TGM2: variants seen among roughly 807,000 people sequenced by gnomAD.
TGM2 encodes the protein transglutaminase 2.
Under a neutral mutation model 75.6 loss-of-function variants are expected in TGM2, and 53 were observed. The observed-to-expected ratio is 0.70, with a 90% confidence interval of 0.56 to 0.88. The LOEUF (loss-of-function observed/expected upper bound fraction) is 0.88. TGM2 is among the 40% of genes least tolerant of loss of function. TGM2 has a pLI of 0.00. For synonymous variants in TGM2, 374 were observed against 381.1 expected, an observed-to-expected ratio of 0.98 and a Z score of 0.22; for missense variants, 842 against 928.5, an observed-to-expected ratio of 0.91 and a Z score of 1.21.
intron 10 of TGM2, chr20:38,132,771 G>T: frequency 5.5e-6 from 3 of 550,076 alleles, no homozygotes; most frequent in Non-Finnish European, 1.0e-5. Flanking sequence ...GGGTGACCCC[G>T]CGTGAGCCAC....
At chr20:38,132,870 G>A (rs776535753) in intron 10 of TGM2, 16 of 462,142 alleles carry the variant, frequency 3.5e-5, no homozygotes, top group South Asian at 1.9e-4. Flanking sequence ...TGTCCCGGAA[G>A]AGCCTGGTGC....
rs764688936 is a variant in TGM2 at position 38,138,231 on chromosome 20, G to A, written c.1497C>T (p.Thr499=). Residue 499 remains threonine (T), a synonymous_variant, in exon 10 of 13, where the codon ACC becomes ACT. Coordinates refer to ENST00000361475, the MANE Select transcript of TGM2 (RefSeq NM_004613.4). Reference sequence around the variant, plus strand: ...GGAGGCGGCAGACGTACTCCTCAGCGGTGTTGTTGGTGATGTGGGCAAAGA... The same window carrying A: ...GGAGGCGGCAGACGTACTCCTCAGCAGTGTTGTTGGTGATGTGGGCAAAGA... The part of the protein sequence containing the change: ...FDVFAHITNN[T]AEEYVCRLLL... 25 of 1,612,810 alleles carry A rather than the reference G, an allele frequency of 1.6e-5. No individual in the cohort carries two copies. Among genetic ancestry groups the A allele is most frequent in the Middle Eastern group, 1.6e-4 (1 of 6,082 alleles).
chr20:38,161,537 C>T lies in TGM2; in HGVS notation c.73G>A (p.Asp25Asn), dbSNP rs200206764. The change falls in exon 2 of 13, where the codon GAC becomes AAC. Residue 25 changes from aspartate to asparagine, a missense_variant. Physicochemically the swap from Asp to Asn is conservative, Grantham distance 23 (BLOSUM62 1). Coordinates refer to ENST00000361475, the MANE Select transcript of TGM2 (RefSeq NM_004613.4). ...ETNGRDHHTA[D>N]LCREKLVVRR... ...ACCACCAGCTTCTCCCGGCACAGGTCGGCCGTGTGGTGGTCTCGGCCATTG... is the reference window on the plus strand; with the variant it reads ...ACCACCAGCTTCTCCCGGCACAGGTTGGCCGTGTGGTGGTCTCGGCCATTG... 1.5e-5 allele frequency: 25 copies of T among 1,614,062 alleles called. No individual in the cohort carries two copies. In the African/African-American group the frequency reaches 1.6e-4, roughly 10 times the overall value.
intron 2 of TGM2, among the ~76,000 whole-genome samples, chr20:38,158,094 G>A (rs1489964203): frequency 6.6e-6 from 1 of 152,216 alleles, no homozygotes; most frequent in Non-Finnish European, 1.5e-5. Flanking sequence ...TCTCAGAAAT[G>A]TCCCTGCTCG....
rs889499378 is a variant in TGM2 at position 38,155,706 on chromosome 20, G to A, written c.433+141C>T. The A allele has an allele frequency of 1.6e-5, 21 of 1,329,612 alleles. No individual in the cohort carries two copies. The African/African-American group carries it at 1.9e-4, about 12-fold the overall frequency. 82.4% of individuals were successfully genotyped at this position (1,329,612 alleles called of 1,614,324 possible). A position where few individuals can be genotyped will look rare whatever the true frequency, so the allele number is the denominator to read the frequency against. On this transcript the variant is annotated intron_variant, in intron 3 of 12. Coordinates refer to ENST00000361475, the MANE Select transcript of TGM2 (RefSeq NM_004613.4). ...TACTCATGTCTTGAGGGTTTTGTGAGGCTGGAGCACAGTGGGCCTCACTCA... is the reference window on the plus strand; with the variant it reads ...TACTCATGTCTTGAGGGTTTTGTGAAGCTGGAGCACAGTGGGCCTCACTCA...
intron 10 of TGM2, among the ~76,000 whole-genome samples, chr20:38,134,078 C>A (rs1272754069): frequency 1.1e-4 from 17 of 152,174 alleles, no homozygotes; most frequent in Non-Finnish European, 2.9e-5. Context: ...CAAATCAGCA[C>A]CCTCAGAGAC....
In TGM2 at chr20:38,147,233, C is replaced by T. The variant is rs45567350; in HGVS notation, c.682-339G>A. ...ACAAAGACCCGCTTGGGCCCCCCAC[C>T]CCAGATTGTGTCGTTCCCCCTAAAC... On this transcript the variant is annotated intron_variant, in intron 5 of 12. Transcript: ENST00000361475. 6.7e-3 allele frequency among the ~76,000 whole-genome samples: 1,025 copies of T among 152,164 alleles called. 10 individuals carry two copies. Among genetic ancestry groups the T allele is most frequent in the African/African-American group, 0.023 (965 of 41,486 alleles).
chr20:38,131,349 A>ACCCCCCC (rs111895659), intron 11 of TGM2, 120 bp from the exon 12 acceptor site: 1 of 1,312,808 alleles, frequency 7.6e-7, no homozygotes, highest in African/African-American at 1.6e-5. Context: ...TGCCACGATC[A>ACCCCCCC]CCCCCCCTCC....
chr20:38,152,750 C>A (rs2075128644), intron 3 of TGM2, among the ~76,000 whole-genome samples: 1 of 152,278 alleles, frequency 6.6e-6, no homozygotes, highest in African/African-American at 2.4e-5. Flanking sequence ...CTCACCCCAG[C>A]CCAACTTCCT....
chr20:38,149,247 A>G (rs1018963942), intron 4 of TGM2, among the ~76,000 whole-genome samples: 3 of 151,988 alleles, frequency 2.0e-5, no homozygotes, highest in African/African-American at 2.4e-5. Flanking sequence ...AATATTCCCT[A>G]CTTCAAGAAG....
chr20:38,141,981 C>T, intron 7 of TGM2, 83 bp downstream of exon 7: 1 of 1,556,816 alleles, frequency 6.4e-7, no homozygotes, highest in Non-Finnish European at 8.8e-7. Context: ...TCAAATGTGA[C>T]CTCCTCCAAG....
At chr20:38,167,632 C>G (rs974370452), upstream of TGM2, among the ~76,000 whole-genome samples, 2 of 152,204 alleles carry the variant, frequency 1.3e-5, no homozygotes, top group Non-Finnish European at 2.9e-5. Flanking sequence ...AACCACTGTG[C>G]CCAGCCCACG....
intron 6 of TGM2, among the ~76,000 whole-genome samples, chr20:38,144,977 C>A (rs568984423): frequency 6.6e-6 from 1 of 152,268 alleles, no homozygotes; most frequent in African/African-American, 2.4e-5. Context: ...TGCCGGTGAG[C>A]CTGGGGATCC....
intron 6 of TGM2, among the ~76,000 whole-genome samples, chr20:38,144,377 T>C (rs1318471781): frequency 1.3e-5 from 2 of 152,168 alleles, no homozygotes; most frequent in African/African-American, 4.8e-5. Flanking sequence ...TGTCTGCCCA[T>C]TCCCAGAGCA....
intron 6 of TGM2, among the ~76,000 whole-genome samples, chr20:38,142,783 G>A (rs954969545): frequency 6.6e-6 from 1 of 152,190 alleles, no homozygotes; most frequent in Non-Finnish European, 1.5e-5. Context: ...GGCCCTTGAG[G>A]TCAAGGCCAG....
intron 6 of TGM2, among the ~76,000 whole-genome samples, chr20:38,143,603 G>T (rs1303227927): frequency 6.9e-6 from 1 of 145,740 alleles, no homozygotes; most frequent in Admixed American, 6.8e-5. Context: ...ATCCCGGTGT[G>T]GATCTCACCC....
Position 38,132,370 on chromosome 20 carries a change from G to A in TGM2, c.1746C>T (p.Leu582=), listed in dbSNP as rs760031983. The A allele has an allele frequency of 4.3e-6, 7 of 1,614,018 alleles. No homozygotes were observed. In the Admixed American group the frequency reaches 6.7e-5, roughly 15 times the overall value. Residue 582 remains leucine (L), a synonymous_variant, in exon 11 of 13, where the codon CTC becomes CTT. Coordinates refer to ENST00000361475, the MANE Select transcript of TGM2 (RefSeq NM_004613.4). ...INSYLLAERD[L]YLENPEIKIR... ...TCTTGATTTCTGGATTCTCCAGGTAGAGGTCCCTCTCAGCCAGCAGGTAGC... is the reference window on the plus strand; with the variant it reads ...TCTTGATTTCTGGATTCTCCAGGTAAAGGTCCCTCTCAGCCAGCAGGTAGC...
chr20:38,139,305 C>T (rs1224377731), intron 9 of TGM2, 107 bp downstream of exon 9: 7 of 1,543,544 alleles, frequency 4.5e-6, no homozygotes, highest in East Asian at 2.3e-5. Context: ...CATTGCTGTA[C>T]GTAGGCTACC....
At chr20:38,142,271 A>G (rs2122888897) in intron 6 of TGM2, 72 bp from the exon 7 acceptor site, 2 of 1,603,248 alleles carry the variant, frequency 1.2e-6, no homozygotes, top group East Asian at 2.2e-5. Flanking sequence ...CCACCTGCCC[A>G]TCTGCATTCC....
Sources: allele counts gnomAD v4.1 joint callset (sites outside exome capture counted in the v4.1 genomes callset), GRCh38; gene constraint gnomAD v4.1.1; transcripts MANE v1.5; gene names NCBI Gene and HGNC (gene_info 2026-07-23, HGNC 2026-07-21).